Variants in IL1RAPL1 observed in about 807,000 individuals in gnomAD.
IL1RAPL1 encodes the protein interleukin 1 receptor accessory protein like 1.
A neutral mutation model predicts 48.4 loss-of-function variants in IL1RAPL1; 3 were observed. The observed-to-expected ratio is 0.06, with a 90% CI of 0.03 to 0.16. The LOEUF is 0.16. IL1RAPL1 is among the 10% of genes least tolerant of loss of function. IL1RAPL1 has a pLI of 1.00. For synonymous variants in IL1RAPL1, 185 were observed against 187.7 expected (o/e 0.99, Z 0.12); for missense variants, 349 against 530.6 (o/e 0.66, Z 3.36).
rs746572211 is a variant in IL1RAPL1, at chrX:28,917,504, A to G, written c.82+128079A>G. The stretch of plus-strand genomic sequence containing the variant: ...TGCCTAAATGAAATTTATTGAGACT[A>G]AGTAACTCTGCAGTGATTGTGGGCT... On this transcript the variant is annotated intron_variant, in intron 2 of 10. Coordinates refer to ENST00000378993, the MANE Select transcript of IL1RAPL1 (RefSeq NM_014271.4). Among the ~76,000 whole-genome samples, 6 of 111,876 alleles carry G rather than the reference A, an allele frequency of 5.4e-5. No individual in the cohort carries two copies. The South Asian group carries it at 2.2e-3, about 42-fold the overall frequency.
intron 2 of IL1RAPL1, among the ~76,000 whole-genome samples, chrX:29,272,931 A>G (rs1457185849): frequency 9.0e-6 from 1 of 111,401 alleles, no homozygotes; most frequent in Non-Finnish European, 1.9e-5. Context: ...TGCTGTTAAT[A>G]CTTGTGATTG....
chrX:29,236,545 C>CTTTTTTTTTTTTTTTTTTT (rs754996544), intron 2 of IL1RAPL1, among the ~76,000 whole-genome samples: 23 of 63,163 alleles, frequency 3.6e-4, no homozygotes, highest in East Asian at 1.6e-3. Context: ...CTTTTTTTTT[C>CTTTTTTTTTTTTTTTTTTT]TTTTTTTTTT....
At chrX:29,015,701 A>T (rs1381367344) in intron 2 of IL1RAPL1, among the ~76,000 whole-genome samples, 2 of 110,933 alleles carry the variant, frequency 1.8e-5, no homozygotes, top group Non-Finnish European at 3.8e-5. Context: ...AAAGAAGTTC[A>T]TCTCGGTAAC....
intron 6 of IL1RAPL1, among the ~76,000 whole-genome samples, chrX:29,691,166 A>C (rs1288963096): frequency 9.0e-6 from 1 of 111,318 alleles, no homozygotes; most frequent in Non-Finnish European, 1.9e-5. Flanking sequence ...TCCTTTATTT[A>C]TCTTTCCATG....
At chrX:29,574,772 A>T (rs1167911402) in intron 5 of IL1RAPL1, among the ~76,000 whole-genome samples, 1 of 111,667 alleles carries the variant, frequency 9.0e-6, no homozygotes, top group Non-Finnish European at 1.9e-5. Flanking sequence ...TTGCTCATGC[A>T]TATGCTGTTA....
At chrX:28,795,148 A>G (rs1936595020) in intron 2 of IL1RAPL1, among the ~76,000 whole-genome samples, 1 of 111,328 alleles carries the variant, frequency 9.0e-6, no homozygotes, top group South Asian at 3.8e-4. Context: ...TACCTTTTGA[A>G]GTTAAAAAAA....
chrX:28,725,586 G>A (rs1047826134), intron 1 of IL1RAPL1, among the ~76,000 whole-genome samples: 8 of 112,027 alleles, frequency 7.1e-5, no homozygotes, highest in African/African-American at 1.9e-4. Context: ...CAACCCAGAA[G>A]TTCTTCATAC....
chrX:29,841,866 C>T (rs111313353), intron 6 of IL1RAPL1, among the ~76,000 whole-genome samples: 4,902 of 111,324 alleles, frequency 0.044, 256 homozygotes, highest in African/African-American at 0.15. Flanking sequence ...AGATAGCATA[C>T]TATGGCTATA....
chrX:29,873,567 G>A (rs1211234275), intron 6 of IL1RAPL1, among the ~76,000 whole-genome samples: 1 of 111,808 alleles, frequency 8.9e-6, no homozygotes, highest in East Asian at 2.8e-4. Flanking sequence ...AATCCGTGAA[G>A]CAGAGAGCTC....
chrX:29,575,222 GAACT>G (rs1218213766), intron 5 of IL1RAPL1, among the ~76,000 whole-genome samples: 4 of 111,844 alleles, frequency 3.6e-5, no homozygotes, highest in African/African-American at 1.3e-4. Flanking sequence ...CAGAGGGACA[GAACT>G]AATAGGATAT....
At chrX:28,884,075 A>G (rs975557420) in intron 2 of IL1RAPL1, among the ~76,000 whole-genome samples, 3 of 112,065 alleles carry the variant, frequency 2.7e-5, no homozygotes, top group Admixed American at 1.9e-4. Context: ...ACCTAATGCT[A>G]GATGACGAGT....
chrX:28,873,970 TAA>T lies in IL1RAPL1; in HGVS notation c.82+84563_82+84564del, dbSNP rs59999767. On this transcript the variant is annotated intron_variant, in intron 2 of 10. Transcript: ENST00000378993. The stretch of plus-strand genomic sequence containing the variant: ...TTGTTCAGATTTTTTGCTTCTCCAG[TAA>T]AAAAAAAAAAAAAAAAATTGTTCTT... Among the ~76,000 whole-genome samples, 277 of 76,769 alleles carry T rather than the reference TAA, an allele frequency of 3.6e-3. 1 individual carries two copies. Among genetic ancestry groups the T allele is most frequent in the African/African-American group, 0.01 (224 of 21,683 alleles). 66.7% of individuals were successfully genotyped at this position (76,769 alleles called of 115,157 possible).
At chrX:28,603,994 G>T (rs1203493145) in intron 1 of IL1RAPL1, among the ~76,000 whole-genome samples, 1 of 112,326 alleles carries the variant, frequency 8.9e-6, no homozygotes, top group East Asian at 2.8e-4. Flanking sequence ...CATCAATAAT[G>T]CAGAAAGCGA....
At chrX:28,722,977 C>T (rs1176810955) in intron 1 of IL1RAPL1, among the ~76,000 whole-genome samples, 3 of 111,449 alleles carry the variant, frequency 2.7e-5, no homozygotes, top group African/African-American at 9.8e-5. Context: ...TTTTGATGTG[C>T]TGCTGGATTC....
At chrX:29,597,761 G>A (rs1228199638) in intron 5 of IL1RAPL1, among the ~76,000 whole-genome samples, 2 of 111,827 alleles carry the variant, frequency 1.8e-5, no homozygotes, top group Non-Finnish European at 3.8e-5. Flanking sequence ...GTTTAATCTA[G>A]GAGGGTTTCA....
intron 2 of IL1RAPL1, among the ~76,000 whole-genome samples, chrX:28,956,106 G>T: frequency 9.3e-6 from 1 of 107,633 alleles, no homozygotes; most frequent in East Asian, 2.9e-4. Flanking sequence ...TTTGTACATT[G>T]ATTTTGTATC....
At position 29,949,015 on chromosome X, in the gene IL1RAPL1, G is replaced by T. The variant is rs1830854839; in HGVS notation, c.1202-5507G>T. On this transcript the variant is annotated intron_variant, in intron 9 of 10. Transcript: ENST00000378993. ...ACAGCCACTACCTTCAACTTGAAAA[G>T]TGAGTCTTCAACCTACATTTTCTTA... Among the ~76,000 whole-genome samples the T allele has an allele frequency of 2.7e-5, 3 of 111,695 alleles. No homozygotes were observed. The South Asian group carries it at 1.1e-3, about 41-fold the overall frequency.
At chrX:29,846,746 C>T (rs1166646441) in intron 6 of IL1RAPL1, among the ~76,000 whole-genome samples, 1 of 101,162 alleles carries the variant, frequency 9.9e-6, no homozygotes, top group Non-Finnish European at 2.0e-5. Context: ...TAAAACTAAC[C>T]ACAGTCTATA....
intron 1 of IL1RAPL1, among the ~76,000 whole-genome samples, chrX:28,670,823 A>G (rs1038237498): frequency 1.1e-4 from 12 of 112,346 alleles, no homozygotes; most frequent in African/African-American, 3.6e-4. Flanking sequence ...GATTCAGATT[A>G]TGGTTGTCAA....
Sources: allele counts gnomAD v4.1 joint callset (sites outside exome capture counted in the v4.1 genomes callset), GRCh38; gene constraint gnomAD v4.1.1; transcripts MANE v1.5; gene names NCBI Gene and HGNC (gene_info 2026-07-23, HGNC 2026-07-21).